TDRD3: variants seen among roughly 807,000 people sequenced by gnomAD.
The protein encoded by TDRD3 is tudor domain containing 3.
In TDRD3, 45 loss-of-function variants were observed where a neutral mutation model predicts 86.7. That is an observed-to-expected ratio of 0.52 (90% CI 0.41 to 0.67). The LOEUF (loss-of-function observed/expected upper bound fraction) is 0.67, where lower values mean the gene tolerates loss of function less well. Ranked by LOEUF, TDRD3 falls within the 30% of genes least tolerant of loss-of-function variation. The probability of loss-of-function intolerance (pLI) is 0.00; values close to 1 mark genes in which losing one functional copy is unlikely to be tolerated. For missense variants in TDRD3, 814 were observed against 889.0 expected (o/e 0.92, Z 1.07); for synonymous variants, 298 against 301.7 (o/e 0.99, Z 0.13).
intron 12 of TDRD3, 60 bp downstream of exon 12, chr13:60,535,293 A>G (rs1279360163): frequency 1.3e-6 from 2 of 1,496,682 alleles, no homozygotes; most frequent in East Asian, 2.4e-5. Flanking sequence ...ATATAGCTCT[A>G]AAGAATTAGA....
chr13:60,555,585 G>A (rs1283719859), intron 12 of TDRD3, among the ~76,000 whole-genome samples: 1 of 152,104 alleles, frequency 6.6e-6, no homozygotes, highest in African/African-American at 2.4e-5. Flanking sequence ...CACTTTATCT[G>A]TAAATGGAGG....
intron 5 of TDRD3, among the ~76,000 whole-genome samples, chr13:60,480,639 G>T (rs1053940853): frequency 5.9e-5 from 9 of 152,058 alleles, no homozygotes; most frequent in African/African-American, 1.7e-4. Context: ...TTGTATGTTT[G>T]GTCTCTTTAC....
At chr13:60,470,593 T>G (rs1259489883) in intron 5 of TDRD3, among the ~76,000 whole-genome samples, 2 of 144,158 alleles carry the variant, frequency 1.4e-5, no homozygotes, top group Admixed American at 6.9e-5. Context: ...TAGTTGGGTT[T>G]TTTTTTTTTT....
chr13:60,465,362 A>G (rs1260200300), intron 4 of TDRD3, among the ~76,000 whole-genome samples: 2 of 152,140 alleles, frequency 1.3e-5, no homozygotes, highest in Admixed American at 1.3e-4. Flanking sequence ...ACGCTTCTTC[A>G]CTATTGTAAT....
rs1955968106 is a variant in TDRD3, at chr13:60,467,312, A to G, written c.428A>G (p.Asn143Ser). The G allele has an allele frequency of 1.9e-6, 3 of 1,613,984 alleles. No individual in the cohort carries two copies. Among genetic ancestry groups the G allele is most frequent in the Non-Finnish European group, 1.7e-6 (2 of 1,179,896 alleles). ...ATAAAAAATGGATTCCTGCTCTTGA[A>G]TGACTCTAACACCACAGTTCTTGGT... ...VDIKNGFLLL[N>S]DSNTTVLGGE... Residue 143 changes from asparagine to serine, a missense_variant, in exon 5 of 14, where the codon AAT (asparagine) becomes AGT (serine). Transcript: ENST00000377881.
intron 5 of TDRD3, among the ~76,000 whole-genome samples, chr13:60,479,360 G>T (rs1215668505): frequency 6.6e-6 from 1 of 152,174 alleles, no homozygotes; most frequent in Admixed American, 6.5e-5. Flanking sequence ...GTCCAAATGT[G>T]TGCTTGGTAT....
At chr13:60,455,721 T>TA (rs1355853379) in intron 3 of TDRD3, among the ~76,000 whole-genome samples, 1 of 152,050 alleles carries the variant, frequency 6.6e-6, no homozygotes, top group Non-Finnish European at 1.5e-5. Flanking sequence ...GTGTGATGCT[T>TA]ATGTTGTTAG....
chr13:60,397,337 C>CCCACCA lies in TDRD3; in HGVS notation c.-25_-20dup. The CCCACCA allele has an allele frequency of 6.9e-7, 1 of 1,454,854 alleles. No homozygotes were observed. The highest frequency in any genetic ancestry group is 9.1e-7 in the Non-Finnish European group (1 of 1,098,338). The allele number at this position is 1,454,854 out of a possible 1,614,324, so 90.1% of individuals were successfully genotyped here. A position where few individuals can be genotyped will look rare whatever the true frequency, so the allele number is the denominator to read the frequency against. On this transcript the variant is annotated 5_prime_UTR_variant, in exon 1 of 14. Transcript: ENST00000377881. The stretch of plus-strand genomic sequence containing the variant: ...CTCCCCATCACCCCCACCCCAGCCC[C>CCCACCA]CCACCACCCCCGGCCTAAGCAGCTA...
chr13:60,554,895 G>C (rs978338736), intron 12 of TDRD3, among the ~76,000 whole-genome samples: 1 of 152,118 alleles, frequency 6.6e-6, no homozygotes, highest in East Asian at 1.9e-4. Flanking sequence ...GGAATTACAG[G>C]TTACTAAAAT....
chr13:60,563,530 A>C (rs1197952972), intron 12 of TDRD3, among the ~76,000 whole-genome samples: 2 of 152,110 alleles, frequency 1.3e-5, no homozygotes, highest in Non-Finnish European at 2.9e-5. Flanking sequence ...GGACTGGATA[A>C]TTTTTTGTTG....
intron 8 of TDRD3, among the ~76,000 whole-genome samples, chr13:60,503,428 A>G (rs1456997116): frequency 6.6e-6 from 1 of 152,242 alleles, no homozygotes; most frequent in Non-Finnish European, 1.5e-5. Flanking sequence ...GACAACCTTA[A>G]TTATGATTAA....
chr13:60,495,047 G>C (rs181206084), intron 8 of TDRD3, among the ~76,000 whole-genome samples: 1 of 152,258 alleles, frequency 6.6e-6, no homozygotes, highest in East Asian at 1.9e-4. Flanking sequence ...CTGGCATGCT[G>C]TAGTGTTCTC....
At chr13:60,530,646 G>T (rs1266912193) in intron 11 of TDRD3, among the ~76,000 whole-genome samples, 1 of 150,968 alleles carries the variant, frequency 6.6e-6, no homozygotes, top group Non-Finnish European at 1.5e-5. Flanking sequence ...GTAGAGACAG[G>T]GTTTCACCAT....
rs575778711 is a variant in TDRD3, at chr13:60,558,798, C to T, written c.2119-8727C>T. Among the ~76,000 whole-genome samples the T allele has an allele frequency of 4.0e-5, 6 of 151,824 alleles. No individual in the cohort carries two copies. In the South Asian group the frequency reaches 8.3e-4, roughly 21 times the overall value. The stretch of plus-strand genomic sequence containing the variant: ...TTAAAAAAGAAGAAAAAGAGGCCAC[C>T]CCACCTCTCCCCAAAACAAAAAAAA... On this transcript the variant is annotated intron_variant, in intron 12 of 13. Coordinates refer to ENST00000377881, the MANE Select transcript of TDRD3 (RefSeq NM_001146070.2).
intron 8 of TDRD3, among the ~76,000 whole-genome samples, chr13:60,499,167 C>T (rs1407400056): frequency 6.6e-6 from 1 of 152,156 alleles, no homozygotes; most frequent in Non-Finnish European, 1.5e-5. Context: ...AGATTAGTGC[C>T]ACCATCAAGG....
chr13:60,397,989 G>C (rs1268487908), intron 1 of TDRD3, among the ~76,000 whole-genome samples: 2 of 152,204 alleles, frequency 1.3e-5, no homozygotes, highest in Non-Finnish European at 2.9e-5. Context: ...ACAACTTCTG[G>C]AGCTAAGAAT....
rs545428915 is a variant in TDRD3, at chr13:60,478,601, G to A, written c.496-5174G>A. On this transcript the variant is annotated intron_variant, in intron 5 of 13. Transcript: ENST00000377881. ...ATTACAGGCATGAGCTACCGTGCCC[G>A]GTCCACAGTCTGTCAATCTTAGTTT... Among the ~76,000 whole-genome samples the A allele has an allele frequency of 1.1e-4, 17 of 151,764 alleles. 2 individuals carry two copies. Among genetic ancestry groups the A allele is most frequent in the African/African-American group, 3.6e-4 (15 of 41,392 alleles).
chr13:60,475,496 C>T (rs190933158), intron 5 of TDRD3, among the ~76,000 whole-genome samples: 2 of 152,256 alleles, frequency 1.3e-5, no homozygotes, highest in South Asian at 2.1e-4. Flanking sequence ...AGTTCTGTGT[C>T]GATGGACCTC....
chr13:60,533,628 A>T (rs1358724888), intron 11 of TDRD3, among the ~76,000 whole-genome samples: 1 of 150,492 alleles, frequency 6.6e-6, no homozygotes, highest in Non-Finnish European at 1.5e-5. Context: ...GTGACAGAGG[A>T]CGACTCTGTC....
Sources: allele counts gnomAD v4.1 joint callset (sites outside exome capture counted in the v4.1 genomes callset), GRCh38; gene constraint gnomAD v4.1.1; transcripts MANE v1.5; gene names NCBI Gene and HGNC (gene_info 2026-07-23, HGNC 2026-07-21).